Variants in RUBCNL observed in about 807,000 individuals in gnomAD.
The protein encoded by RUBCNL is protein associated with UVRAG as autophagy enhancer.
RUBCNL carries 62 observed loss-of-function variants against 69.5 expected under a neutral mutation model. The observed-to-expected ratio is 0.89, with a 90% CI of 0.73 to 1.10. RUBCNL has a LOEUF of 1.10. RUBCNL is among the 50% of genes least tolerant of loss of function. The pLI is 0.00. For synonymous variants in RUBCNL, 291 were observed against 303.6 expected (o/e 0.96, Z 0.43); for missense variants, 768 against 798.1 (o/e 0.96, Z 0.45).
Position 46,363,223 on chromosome 13 carries a change from G to T in RUBCNL, c.827-10C>A. On this transcript the variant is annotated splice_polypyrimidine_tract_variant and intron_variant, in intron 5 of 14. Transcript: ENST00000429979. ...TGTAACACAGCACAACCTAGACAAA[G>T]AAAGGAAGGAGGTTTTTACCAATAA... 6.9e-7 allele frequency: 1 copy of T among 1,448,016 alleles called. No homozygotes were observed. The highest frequency in any genetic ancestry group is 9.2e-7 in the Non-Finnish European group (1 of 1,082,802). The allele number at this position is 1,448,016 out of a possible 1,614,324, so 89.7% of individuals were successfully genotyped here. A position where few individuals can be genotyped will look rare whatever the true frequency, so the allele number is the denominator to read the frequency against.
rs1241564014 is a variant in RUBCNL, at chr13:46,341,739, T to C, written c.*1646A>G. The stretch of plus-strand genomic sequence containing the variant: ...AACACTTACCAGTTAAGGTTGTTTT[T>C]ACTCCTTTGTCTTGAAAAGACACCA... On this transcript the variant is annotated 3_prime_UTR_variant, in exon 15 of 15. Transcript: ENST00000429979. Among the ~76,000 whole-genome samples the C allele has an allele frequency of 6.6e-6, 1 of 152,238 alleles. No individual in the cohort carries two copies. Among genetic ancestry groups the C allele is most frequent in the Non-Finnish European group, 1.5e-5 (1 of 68,040 alleles).
chr13:46,372,924 A>C (rs1291474555), intron 2 of RUBCNL, among the ~76,000 whole-genome samples: 1 of 152,154 alleles, frequency 6.6e-6, no homozygotes, highest in Non-Finnish European at 1.5e-5. Flanking sequence ...TGTCAAATCC[A>C]AGACAGGAAT....
At chr13:46,372,850 C>T (rs2048909182) in intron 2 of RUBCNL, among the ~76,000 whole-genome samples, 1 of 152,032 alleles carries the variant, frequency 6.6e-6, no homozygotes, top group African/African-American at 2.4e-5. Flanking sequence ...CACAAAGGAT[C>T]AACTGATAAA....
chr13:46,387,148 G>C lies in RUBCNL; in HGVS notation c.-253C>G. Reference sequence around the variant, plus strand: ...GCCAGCCTCACCCAGCCAAACCCGAGCGGTGGAACGCTGCGCTGGGTAAAC... The same window carrying C: ...GCCAGCCTCACCCAGCCAAACCCGACCGGTGGAACGCTGCGCTGGGTAAAC... On this transcript the variant is annotated 5_prime_UTR_variant, in exon 1 of 15. Coordinates refer to ENST00000429979, the MANE Select transcript of RUBCNL (RefSeq NM_025113.5). 3.0e-6 allele frequency: 3 copies of C among 985,392 alleles called. No individual in the cohort carries two copies. The South Asian group carries it at 1.4e-4, about 46-fold the overall frequency. 61.0% of individuals were successfully genotyped at this position (985,392 alleles called of 1,614,324 possible). A position where few individuals can be genotyped will look rare whatever the true frequency, so the allele number is the denominator to read the frequency against.
chr13:46,370,643 T>G (rs1424869502), intron 3 of RUBCNL, among the ~76,000 whole-genome samples: 1 of 152,222 alleles, frequency 6.6e-6, no homozygotes, highest in Non-Finnish European at 1.5e-5. Flanking sequence ...GTATCTGTTT[T>G]CTTTCTGAGT....
intron 2 of RUBCNL, 59 bp from the exon 3 acceptor site, chr13:46,372,656 A>G: frequency 7.1e-7 from 1 of 1,412,070 alleles, no homozygotes; most frequent in Non-Finnish European, 9.2e-7. Context: ...TTTGGCTACA[A>G]ATTATTTTGA....
In RUBCNL at chr13:46,337,710, A is replaced by C. The variant is rs1407246902; in HGVS notation, c.*5675T>G. 6.6e-6 allele frequency among the ~76,000 whole-genome samples: 1 copy of C among 152,228 alleles called. No individual in the cohort carries two copies. The highest frequency in any genetic ancestry group is 2.4e-5 in the African/African-American group (1 of 41,452). Reference sequence around the variant, plus strand: ...CATCCCCTGGACAACAGGTATCAGGACATCTTATGTTAGTCAGAGTAGGGT... The same window carrying C: ...CATCCCCTGGACAACAGGTATCAGGCCATCTTATGTTAGTCAGAGTAGGGT... On this transcript the variant is annotated 3_prime_UTR_variant, in exon 15 of 15. Transcript: ENST00000429979.
At position 46,337,830 on chromosome 13, in the gene RUBCNL, C is replaced by T. The variant is rs1218689946; in HGVS notation, c.*5555G>A. ...TGTAAAAAGTCCAATGCAGGCACCGCACTCCTGAGTAGTTCTATTTCAAAC... is the reference window on the plus strand; with the variant it reads ...TGTAAAAAGTCCAATGCAGGCACCGTACTCCTGAGTAGTTCTATTTCAAAC... On this transcript the variant is annotated 3_prime_UTR_variant, in exon 15 of 15. Coordinates refer to ENST00000429979, the MANE Select transcript of RUBCNL (RefSeq NM_025113.5). Among the ~76,000 whole-genome samples the T allele has an allele frequency of 1.3e-5, 2 of 152,194 alleles. No individual in the cohort carries two copies. The highest frequency in any genetic ancestry group is 4.8e-5 in the African/African-American group (2 of 41,450).
chr13:46,356,515 A>C lies in RUBCNL; in HGVS notation c.1266-19T>G. ...GTCCCTCCTGAATACGAAAAATAAT[A>C]CTAGTTACATTTCAGAGAAGGCCAA... On this transcript the variant is annotated intron_variant, in intron 9 of 14. Transcript: ENST00000429979. 6.2e-7 allele frequency: 1 copy of C among 1,610,096 alleles called. No individual in the cohort carries two copies.
chr13:46,340,509 A>G lies in RUBCNL; in HGVS notation c.*2876T>C, dbSNP rs1273506808. Among the ~76,000 whole-genome samples, 2 of 152,158 alleles carry G rather than the reference A, an allele frequency of 1.3e-5. No individual in the cohort carries two copies. Among genetic ancestry groups the G allele is most frequent in the African/African-American group, 4.8e-5 (2 of 41,436 alleles). On this transcript the variant is annotated 3_prime_UTR_variant, in exon 15 of 15. Coordinates refer to ENST00000429979, the MANE Select transcript of RUBCNL (RefSeq NM_025113.5). Reference sequence around the variant, plus strand: ...GAGAGTCATATCCCTCATTTTACAAACAGAGGCTTAGATAATTTAAATGGC... The same window carrying G: ...GAGAGTCATATCCCTCATTTTACAAGCAGAGGCTTAGATAATTTAAATGGC...
chr13:46,372,004 G>A lies in RUBCNL; in HGVS notation c.472C>T (p.Pro158Ser), dbSNP rs762307285. 11 of 1,613,908 alleles carry A rather than the reference G, an allele frequency of 6.8e-6. No homozygotes were observed. In the Admixed American group the frequency reaches 1.0e-4, roughly 15 times the overall value. Residue 158 changes from proline (P) to serine (S), a missense_variant, in exon 3 of 15, where the codon CCA becomes TCA. Coordinates refer to ENST00000429979, the MANE Select transcript of RUBCNL (RefSeq NM_025113.5). ...AAAGCACTGTCAGTCTCAGGATATG[G>A]GGAGGTGGCCAAAATCCCAGGGCTT... ...PTSPGILATS[P>S]YPETDSAFFE...
upstream of RUBCNL, among the ~76,000 whole-genome samples, chr13:46,388,285 C>A (rs2049293583): frequency 7.6e-6 from 1 of 132,280 alleles, no homozygotes; most frequent in Non-Finnish European, 1.6e-5. Context: ...AGGAAGGAAC[C>A]CAAGGGAGGG....
chr13:46,338,213 G>A lies in RUBCNL; in HGVS notation c.*5172C>T, dbSNP rs1376818239. On this transcript the variant is annotated 3_prime_UTR_variant, in exon 15 of 15. Transcript: ENST00000429979. ...TCCAAGTATTTAAAATTTGAAATAT[G>A]TTTTATCTTCCTACCATGGTGAATA... Among the ~76,000 whole-genome samples the A allele has an allele frequency of 2.0e-5, 3 of 152,202 alleles. No homozygotes were observed. The East Asian group carries it at 5.8e-4, about 29-fold the overall frequency.
Position 46,340,301 on chromosome 13 carries a change from C to G in RUBCNL, c.*3084G>C, listed in dbSNP as rs2048132703. Among the ~76,000 whole-genome samples, 1 of 152,296 alleles carries G rather than the reference C, an allele frequency of 6.6e-6. No homozygotes were observed. Among genetic ancestry groups the G allele is most frequent in the South Asian group, 2.1e-4 (1 of 4,826 alleles). ...TCAACCCACAACAGTAGCTATTGTT[C>G]TAATCCTTGTATTACAGATTATAAA... On this transcript the variant is annotated 3_prime_UTR_variant, in exon 15 of 15. Transcript: ENST00000429979.
chr13:46,348,503 A>G (rs532992713), intron 12 of RUBCNL, among the ~76,000 whole-genome samples: 1 of 152,196 alleles, frequency 6.6e-6, no homozygotes, highest in South Asian at 2.1e-4. Context: ...AGCTCCCATA[A>G]TTCCCACATG....
At position 46,337,034 on chromosome 13, in the gene RUBCNL, G is replaced by A. The variant is rs139430014; in HGVS notation, c.*6351C>T. On this transcript the variant is annotated 3_prime_UTR_variant, in exon 15 of 15. Transcript: ENST00000429979. ...AATTGTGACAGTATTAGGAGGTGGA[G>A]CCTTTAGGTGGTGATTAGGTCATGA... is the stretch of plus-strand genomic sequence containing the variant. Among the ~76,000 whole-genome samples the A allele has an allele frequency of 5.3e-4, 80 of 152,202 alleles. No homozygotes were observed. The highest frequency in any genetic ancestry group is 1.1e-3 in the Non-Finnish European group (76 of 68,006).
chr13:46,347,173 A>C (rs1390631034), intron 12 of RUBCNL, among the ~76,000 whole-genome samples: 1 of 152,158 alleles, frequency 6.6e-6, no homozygotes, highest in Non-Finnish European at 1.5e-5. Context: ...TGGGAGGCTG[A>C]GGCAGGCGGA....
At chr13:46,355,330 T>C (rs532447265) in intron 10 of RUBCNL, among the ~76,000 whole-genome samples, 4 of 150,954 alleles carry the variant, frequency 2.6e-5, no homozygotes, top group African/African-American at 9.8e-5. Flanking sequence ...AGTCTCACTT[T>C]GTCATGCAGG....
Position 46,343,158 on chromosome 13 carries a change from C to A in RUBCNL, c.*227G>T. On this transcript the variant is annotated 3_prime_UTR_variant, in exon 15 of 15. Transcript: ENST00000429979. Reference sequence around the variant, plus strand: ...AAAAACCTCTTTAAAAAACCAATAGCAGCCAAAACAGAACATTTGTAAACA... The same window carrying A: ...AAAAACCTCTTTAAAAAACCAATAGAAGCCAAAACAGAACATTTGTAAACA... 1.5e-6 allele frequency: 1 copy of A among 656,440 alleles called. No homozygotes were observed. Among genetic ancestry groups the A allele is most frequent in the Non-Finnish European group, 2.4e-6 (1 of 412,072 alleles). 40.7% of individuals were successfully genotyped at this position (656,440 alleles called of 1,614,324 possible).
Sources: gnomAD v4.1 joint callset for allele counts (sites outside exome capture counted in the v4.1 genomes callset) on GRCh38, gnomAD v4.1.1 for gene constraint, MANE v1.5 for transcripts, NCBI Gene and HGNC (gene_info 2026-07-23, HGNC 2026-07-21) for gene names.